Variants in KLHL14 observed in about 807,000 individuals in gnomAD.
The protein encoded by KLHL14 is kelch like family member 14.
In KLHL14, 22 loss-of-function variants were observed where a neutral mutation model predicts 64.3. The ratio of observed to expected loss-of-function variants is 0.34; its 90% CI spans 0.24 to 0.49. KLHL14 has a LOEUF of 0.49. Ranked by LOEUF, KLHL14 falls within the 20% of genes least tolerant of loss-of-function variation. The probability of loss-of-function intolerance (pLI) is 0.99; values close to 1 mark genes in which losing one functional copy is unlikely to be tolerated. For synonymous variants in KLHL14, 322 were observed against 333.4 expected (o/e 0.97, Z 0.37); for missense variants, 661 against 789.0 (o/e 0.84, Z 1.94).
intron 2 of KLHL14, among the ~76,000 whole-genome samples, chr18:32,745,830 T>C (rs2050221343): frequency 6.6e-6 from 1 of 152,222 alleles, no homozygotes; most frequent in Admixed American, 6.5e-5. Flanking sequence ...TTATTTGATG[T>C]GTGTGAACTT....
In KLHL14 at chr18:32,769,781, C is replaced by A; in HGVS notation, c.811G>T (p.Ala271Ser). The change falls in exon 2 of 9, where the codon GCC becomes TCC. Residue 271 changes from alanine (A) to serine (S), a missense_variant. Coordinates refer to ENST00000359358, the MANE Select transcript of KLHL14 (RefSeq NM_020805.3). The stretch of plus-strand genomic sequence containing the variant: ...TGGACCCGCTCCACCAGCTCCGGGG[C>A]CGGGATGAGGGCGAAGCGGAGGCGC... ...MKRLRFALIP[A>S]PELVERVQSV... The A allele has an allele frequency of 6.2e-7, 1 of 1,609,662 alleles. No individual in the cohort carries two copies. Among genetic ancestry groups the A allele is most frequent in the Non-Finnish European group, 8.5e-7 (1 of 1,177,066 alleles).
chr18:32,743,851 G>A (rs2050211190), intron 2 of KLHL14: 1 of 152,272 alleles, frequency 6.6e-6, no homozygotes, highest in South Asian at 2.1e-4. Flanking sequence ...CTAGATGCAT[G>A]GCCACAGAGC....
Position 32,695,559 on chromosome 18 carries a change from T to C in KLHL14, c.1070-7A>G. ...GCACTGTTGTATGGCATAACTGAAA[T>C]TAAGAAAAAAAAAAAAGACATATGA... On this transcript the variant is annotated splice_polypyrimidine_tract_variant and splice_region_variant and intron_variant, in intron 3 of 8. Coordinates refer to ENST00000359358, the MANE Select transcript of KLHL14 (RefSeq NM_020805.3). 1 of 1,558,648 alleles carries C rather than the reference T, an allele frequency of 6.4e-7. No individual in the cohort carries two copies. The highest frequency in any genetic ancestry group is 1.9e-5 in the Admixed American group (1 of 53,562).
At chr18:32,687,003 G>T in intron 5 of KLHL14, 152 bp downstream of exon 5, 4 of 611,958 alleles carry the variant, frequency 6.5e-6, no homozygotes, top group Middle Eastern at 5.2e-4. Context: ...AACAAGGGAG[G>T]TCATGTAAAC....
chr18:32,706,319 G>C (rs1202233676), intron 3 of KLHL14, among the ~76,000 whole-genome samples: 1 of 152,154 alleles, frequency 6.6e-6, no homozygotes, highest in East Asian at 1.9e-4. Context: ...TCAGGGCCAT[G>C]ATGAGGCCTA....
At chr18:32,739,650 A>G (rs374603861) in intron 3 of KLHL14, among the ~76,000 whole-genome samples, 4,804 of 151,598 alleles carry the variant, frequency 0.032, 185 homozygotes, top group African/African-American at 0.088. Flanking sequence ...TTGCACACAC[A>G]CACACACACA....
chr18:32,768,723 T>A (rs186834869), intron 2 of KLHL14, among the ~76,000 whole-genome samples: 8 of 152,192 alleles, frequency 5.3e-5, no homozygotes, highest in African/African-American at 1.2e-4. Flanking sequence ...ACAGCCTTTT[T>A]ATCTCAGCAG....
chr18:32,707,911 T>TG (rs1486617496), intron 3 of KLHL14, among the ~76,000 whole-genome samples: 1 of 152,028 alleles, frequency 6.6e-6, no homozygotes, highest in Non-Finnish European at 1.5e-5. Context: ...AACCTGGGGG[T>TG]GGTCTTGAGG....
At chr18:32,690,748 A>G (rs2049903423) in intron 4 of KLHL14, among the ~76,000 whole-genome samples, 1 of 152,106 alleles carries the variant, frequency 6.6e-6, no homozygotes. Flanking sequence ...AAACAAAATA[A>G]AACAGCGCTA....
intron 5 of KLHL14, among the ~76,000 whole-genome samples, chr18:32,686,722 T>A (rs2049880958): frequency 6.6e-6 from 1 of 152,138 alleles, no homozygotes; most frequent in South Asian, 2.1e-4. Context: ...ATTTAAATAT[T>A]GAATTTTAAT....
At chr18:32,677,114 A>C in intron 8 of KLHL14, 59 bp downstream of exon 8, 1 of 1,536,706 alleles carries the variant, frequency 6.5e-7, no homozygotes, top group Non-Finnish European at 8.9e-7. Flanking sequence ...ATTTGGAAGG[A>C]TACAGAAAAC....
intron 2 of KLHL14, among the ~76,000 whole-genome samples, chr18:32,754,349 A>G (rs1421506999): frequency 6.6e-6 from 1 of 152,160 alleles, no homozygotes; most frequent in Non-Finnish European, 1.5e-5. Flanking sequence ...CTTTTGGAAG[A>G]GATAAGAGTG....
intron 3 of KLHL14, among the ~76,000 whole-genome samples, chr18:32,729,433 G>A (rs547853867): frequency 1.3e-5 from 2 of 152,324 alleles, no homozygotes; most frequent in East Asian, 3.9e-4. Flanking sequence ...ATGTTAGACT[G>A]CAAAGATACA....
intron 3 of KLHL14, among the ~76,000 whole-genome samples, chr18:32,719,706 C>T (rs2050066581): frequency 6.6e-6 from 1 of 152,208 alleles, no homozygotes; most frequent in Admixed American, 6.5e-5. Context: ...GATATCCTTG[C>T]TTTCAGTGTA....
At chr18:32,771,009 G>A (rs1262467996) in intron 1 of KLHL14, 4 of 394,802 alleles carry the variant, frequency 1.0e-5, no homozygotes, top group Middle Eastern at 3.5e-4. Context: ...GGCACCTCGT[G>A]GGCTCGTGTC....
At chr18:32,709,213 T>A (rs1342279549) in intron 3 of KLHL14, among the ~76,000 whole-genome samples, 1 of 152,220 alleles carries the variant, frequency 6.6e-6, no homozygotes, top group Non-Finnish European at 1.5e-5. Flanking sequence ...CCATACCGGC[T>A]GCTTTGCTTC....
intron 8 of KLHL14, among the ~76,000 whole-genome samples, chr18:32,675,254 T>C (rs12961515): frequency 0.2 from 30,313 of 152,070 alleles, 3,170 homozygotes; most frequent in South Asian, 0.25. Flanking sequence ...TCCCAGCTGC[T>C]TGGGAGGCTA....
At chr18:32,719,794 C>T (rs2050067191) in intron 3 of KLHL14, among the ~76,000 whole-genome samples, 1 of 152,190 alleles carries the variant, frequency 6.6e-6, no homozygotes, top group Non-Finnish European at 1.5e-5. Flanking sequence ...GCTGTGACAA[C>T]ACAGAGGAGA....
At chr18:32,725,240 G>A (rs191863200) in intron 3 of KLHL14, among the ~76,000 whole-genome samples, 12 of 152,130 alleles carry the variant, frequency 7.9e-5, no homozygotes, top group Non-Finnish European at 7.4e-5. Flanking sequence ...TTGTTGCCTA[G>A]GCTGGTCTCA....
Sources: gnomAD v4.1 joint callset for allele counts (sites outside exome capture counted in the v4.1 genomes callset) on GRCh38, gnomAD v4.1.1 for gene constraint, MANE v1.5 for transcripts, NCBI Gene and HGNC (gene_info 2026-07-23, HGNC 2026-07-21) for gene names.